The following ATP13A4 variants were observed in gnomAD, a reference collection of about 807,000 sequenced individuals.
ATP13A4 encodes ATPase 13A4, also known as probable cation-transporting ATPase 13A4.
Under a neutral mutation model 142.5 loss-of-function variants are expected in ATP13A4, and 114 were observed. The ratio of observed to expected loss-of-function variants is 0.80; its 90% CI spans 0.69 to 0.93. ATP13A4 has a LOEUF of 0.93. ATP13A4 is among the 40% of genes least tolerant of loss of function. The pLI is 0.00. For synonymous variants in ATP13A4, 488 were observed against 514.8 expected, an observed-to-expected ratio of 0.95 and a Z score of 0.70; for missense variants, 1,392 against 1,454.0, an observed-to-expected ratio of 0.96 and a Z score of 0.69.
In ATP13A4 at chr3:193,550,313, T is replaced by G. The variant is rs1042267965; in HGVS notation, c.60+4427A>C. Among the ~76,000 whole-genome samples the G allele has an allele frequency of 7.0e-4, 106 of 151,048 alleles. 1 individual carries two copies. Among genetic ancestry groups the G allele is most frequent in the African/African-American group, 2.4e-3 (99 of 41,128 alleles). ...AAAGTGGTGAATTTTAGGTTTTTTT[T>G]TTTTTTTTTTTGAGACGGAGTCTCA... On this transcript the variant is annotated intron_variant, in intron 1 of 29. Coordinates refer to ENST00000342695, the MANE Select transcript of ATP13A4 (RefSeq NM_032279.4).
chr3:193,411,279 C>A (rs888479394), intron 27 of ATP13A4, among the ~76,000 whole-genome samples: 12 of 152,056 alleles, frequency 7.9e-5, no homozygotes, highest in Non-Finnish European at 1.3e-4. Context: ...TTTTCACATG[C>A]ACATTTTAAG....
chr3:193,534,643 G>A (rs1386139043), intron 1 of ATP13A4, among the ~76,000 whole-genome samples: 1 of 152,038 alleles, frequency 6.6e-6, no homozygotes, highest in Non-Finnish European at 1.5e-5. Context: ...TCAGCAAAAT[G>A]AAAAATAGAA....
At chr3:193,464,871 T>C in intron 12 of ATP13A4, 69 bp downstream of exon 12, 1 of 1,531,410 alleles carries the variant, frequency 6.5e-7, no homozygotes, top group East Asian at 2.2e-5. Flanking sequence ...TGCAAGGGGG[T>C]AAAAGTAGAT....
At chr3:193,529,306 C>T (rs557705910) in intron 1 of ATP13A4, among the ~76,000 whole-genome samples, 55 of 151,654 alleles carry the variant, frequency 3.6e-4, no homozygotes, top group African/African-American at 1.3e-3. Context: ...TATTCTACTT[C>T]CTAAACTAGA....
chr3:193,412,340 C>A lies in ATP13A4; in HGVS notation c.3046G>T (p.Glu1016Ter). 1.2e-6 allele frequency: 2 copies of A among 1,614,098 alleles called. No homozygotes were observed. Among genetic ancestry groups the A allele is most frequent in the Non-Finnish European group, 1.7e-6 (2 of 1,180,012 alleles). ...ACTVQNESIS[E>*]LTMSPTAPEK... The stretch of plus-strand genomic sequence containing the variant: ...GGAGCAGTTGGAGACATGGTTAACT[C>A]TGAGATGCTTTCATTTTGTACTGTG... Residue 1016 changes from glutamate to a stop codon, truncating the protein, a stop_gained, in exon 27 of 30, where the codon GAG becomes TAG. Coordinates refer to ENST00000342695, the MANE Select transcript of ATP13A4 (RefSeq NM_032279.4). LOFTEE classifies it high-confidence loss of function.
chr3:193,576,296 G>A (rs1187551620), intron 2 of ATP13A4, among the ~76,000 whole-genome samples: 2 of 106,622 alleles, frequency 1.9e-5, no homozygotes, highest in Non-Finnish European at 3.4e-5. Flanking sequence ...ACGGAGTCTC[G>A]CTCTGTCGCC....
At chr3:193,556,470 A>AAT (rs1191815327), upstream of ATP13A4, among the ~76,000 whole-genome samples, 6 of 150,874 alleles carry the variant, frequency 4.0e-5, no homozygotes, top group African/African-American at 1.5e-4. Context: ...GTAATTACAA[A>AAT]ATATATATGT....
intron 11 of ATP13A4, 148 bp downstream of exon 11, chr3:193,465,877 G>T: frequency 1.2e-6 from 1 of 856,804 alleles, no homozygotes; most frequent in South Asian, 1.5e-5. Flanking sequence ...ATTGCTGACT[G>T]GGATCTGGAA....
At chr3:193,506,414 C>T (rs989150241) in intron 2 of ATP13A4, among the ~76,000 whole-genome samples, 12 of 152,084 alleles carry the variant, frequency 7.9e-5, no homozygotes, top group African/African-American at 2.2e-4. Flanking sequence ...ATAGGTTTTA[C>T]AAAAATTCAA....
intron 1 of ATP13A4, among the ~76,000 whole-genome samples, chr3:193,589,904 A>T (rs1724731549): frequency 6.6e-6 from 1 of 150,544 alleles, no homozygotes; most frequent in Non-Finnish European, 1.5e-5. Context: ...AATTGTATTC[A>T]TATAATTTAT....
rs1718258699 is a variant in ATP13A4, at chr3:193,466,040, GAC to G, written c.1255_1256del (p.Val419LeufsTer4). The G allele has an allele frequency of 6.2e-7, 1 of 1,614,006 alleles. No individual in the cohort carries two copies. The highest frequency in any genetic ancestry group is 1.1e-5 in the South Asian group (1 of 91,074). On this transcript the variant is annotated frameshift_variant, in exon 11 of 30. Transcript: ENST00000342695. LOFTEE classifies it high-confidence loss of function. ...ATIGMIYTLC[V>X]YVLSGEPPEE... ...GACAGCTTACCCCACTAAGCACATA[GAC>G]ACACAGAGTATAGATCATCCCAATG... is the stretch of plus-strand genomic sequence containing the variant.
intron 18 of ATP13A4, among the ~76,000 whole-genome samples, chr3:193,447,227 T>C (rs1038697731): frequency 6.6e-6 from 1 of 152,172 alleles, no homozygotes; most frequent in African/African-American, 2.4e-5. Context: ...AGGGTCACAG[T>C]GTAAGGGAAA....
At chr3:193,512,946 G>A (rs1183519750) in intron 2 of ATP13A4, among the ~76,000 whole-genome samples, 1 of 152,216 alleles carries the variant, frequency 6.6e-6, no homozygotes, top group Non-Finnish European at 1.5e-5. Flanking sequence ...CATCAACGAA[G>A]CACAGCTCCA....
At chr3:193,520,859 T>C (rs539174681) in intron 1 of ATP13A4, among the ~76,000 whole-genome samples, 7 of 152,346 alleles carry the variant, frequency 4.6e-5, no homozygotes, top group Admixed American at 3.3e-4. Context: ...AGCTGGCAGA[T>C]AGTTGGGATG....
At chr3:193,446,213 AAGAT>A (rs1174738981) in intron 18 of ATP13A4, among the ~76,000 whole-genome samples, 2 of 152,196 alleles carry the variant, frequency 1.3e-5, no homozygotes, top group Non-Finnish European at 2.9e-5. Context: ...TACAAGAAAA[AAGAT>A]AGACTGAGAG....
Position 193,441,598 on chromosome 3 carries a change from A to C in ATP13A4, c.2317-10T>G, listed in dbSNP as rs748347115. ...TGTTAATGTAATTGTCCTACAAAGC[A>C]AGACACAGTTATTTTAGACTCTTTC... is the stretch of plus-strand genomic sequence containing the variant. On this transcript the variant is annotated splice_polypyrimidine_tract_variant and intron_variant, in intron 19 of 29. Transcript: ENST00000342695. 2 of 1,612,684 alleles carry C rather than the reference A, an allele frequency of 1.2e-6. No homozygotes were observed. Among genetic ancestry groups the C allele is most frequent in the Non-Finnish European group, 1.7e-6 (2 of 1,179,084 alleles).
chr3:193,448,220 G>A lies in ATP13A4; in HGVS notation c.2138C>T (p.Thr713Ile), dbSNP rs1446643361. ...TTGTTTCATACCTGTGATCATTACA[G>A]TCCTTATCCGGGCTGAGATGAGCTC... Reference protein sequence around the residue: ...LEELISARIRTVMITGDNLQT... With the variant: ...LEELISARIRIVMITGDNLQT... The change falls in exon 18 of 30, where the codon ACT becomes ATT. Residue 713 changes from threonine (T) to isoleucine (I), a missense_variant. By Grantham distance (89) the Thr-to-Ile change is moderately conservative (BLOSUM62 -1). Transcript: ENST00000342695. The A allele has an allele frequency of 9.9e-6, 16 of 1,613,918 alleles. No individual in the cohort carries two copies. The highest frequency in any genetic ancestry group is 1.3e-5 in the Non-Finnish European group (15 of 1,180,012).
At chr3:193,576,249 CT>C (rs59910562) in intron 2 of ATP13A4, among the ~76,000 whole-genome samples, 1,962 of 54,134 alleles carry the variant, frequency 0.036, 2 homozygotes, top group South Asian at 0.049. Context: ...TTGAATCAAT[CT>C]TTTTTTTTTT....
chr3:193,464,939 C>A lies in ATP13A4; in HGVS notation c.1461+1G>T, dbSNP rs770102777. 1.9e-6 allele frequency: 3 copies of A among 1,613,496 alleles called. No individual in the cohort carries two copies. Among genetic ancestry groups the A allele is most frequent in the Non-Finnish European group, 2.5e-6 (3 of 1,179,550 alleles). ...TAAGAATAAGGATGAAACACACATA[C>A]CTTGTCAAAGCAGACAAGGTTTAAC... On this transcript the variant is annotated splice_donor_variant, in intron 12 of 29. Transcript: ENST00000342695. LOFTEE classifies it high-confidence loss of function.
Sources: allele counts gnomAD v4.1 joint callset (sites outside exome capture counted in the v4.1 genomes callset), GRCh38; gene constraint gnomAD v4.1.1; transcripts MANE v1.5; gene names NCBI Gene and HGNC (gene_info 2026-07-23, HGNC 2026-07-21).